The following NME1 variants were observed in gnomAD, a reference collection of about 807,000 sequenced individuals.
NME1 encodes the protein nucleoside diphosphate kinase A.
In NME1, 9 loss-of-function variants were observed where a neutral mutation model predicts 17.2. That is an observed-to-expected ratio of 0.52 (90% CI 0.32 to 0.92). NME1 has a LOEUF of 0.92. NME1 is among the 40% of genes least tolerant of loss of function. NME1 has a pLI of 0.04. For missense variants in NME1, 169 were observed against 201.7 expected (o/e 0.84, Z 0.98); for synonymous variants, 72 against 70.8 (o/e 1.02, Z -0.09).
intron 3 of NME1, chr17:51,160,525 G>A (rs1227586315): frequency 2.9e-6 from 1 of 348,016 alleles, no homozygotes; most frequent in Non-Finnish European, 5.6e-6. Context: ...CAGAGGCATG[G>A]GCAGGGGCCT....
At chr17:51,155,321 G>A (rs908735220) in intron 1 of NME1, among the ~76,000 whole-genome samples, 11 of 151,938 alleles carry the variant, frequency 7.2e-5, no homozygotes, top group Admixed American at 7.2e-4. Context: ...GGCTGAGGTG[G>A]GCAGATCACT....
Position 51,162,095 on chromosome 17 carries a change from T to C in NME1, c.*250T>C, listed in dbSNP as rs1810633911. 4.4e-6 allele frequency: 2 copies of C among 456,488 alleles called. No individual in the cohort carries two copies. The highest frequency in any genetic ancestry group is 3.5e-5 in the Admixed American group (1 of 28,948). The allele number at this position is 456,488 out of a possible 1,614,324, so 28.3% of individuals were successfully genotyped here. A position where few individuals can be genotyped will look rare whatever the true frequency, so the allele number is the denominator to read the frequency against. Reference sequence around the variant, plus strand: ...CATTGCTTTTTTTTCCTTCTTTTCATGTACACTGAATAACCTGACCTAATA... The same window carrying C: ...CATTGCTTTTTTTTCCTTCTTTTCACGTACACTGAATAACCTGACCTAATA... On this transcript the variant is annotated 3_prime_UTR_variant, in exon 5 of 5. Transcript: ENST00000393196.
chr17:51,158,456 A>G (rs1178068954), intron 2 of NME1, among the ~76,000 whole-genome samples: 1 of 152,172 alleles, frequency 6.6e-6, no homozygotes, highest in Non-Finnish European at 1.5e-5. Context: ...CAACAAAACC[A>G]ACAAAAAGAT....
chr17:51,159,903 G>A, intron 2 of NME1, 77 bp from the exon 3 acceptor site: 1 of 1,544,664 alleles, frequency 6.5e-7, no homozygotes, highest in South Asian at 1.1e-5. Flanking sequence ...ATAGCAGGGT[G>A]GATGAGGGGA....
chr17:51,159,705 A>ATT lies in NME1; in HGVS notation c.127-267_127-266dup, dbSNP rs76115891. On this transcript the variant is annotated intron_variant, in intron 2 of 4. Coordinates refer to ENST00000393196, the MANE Select transcript of NME1 (RefSeq NM_000269.3). Reference sequence around the variant, plus strand: ...AGGATCACTTGAGCCCAGGAGTTTGATTTTTTTTTAAATGAGATAGCTGGA... The same window carrying ATT: ...AGGATCACTTGAGCCCAGGAGTTTGATTTTTTTTTTTAAATGAGATAGCTGGA... 1.0e-3 allele frequency among the ~76,000 whole-genome samples: 154 copies of ATT among 151,664 alleles called. 1 individual carries two copies. The highest frequency in any genetic ancestry group is 3.4e-3 in the Middle Eastern group (1 of 294).
At position 51,161,863 on chromosome 17, in the gene NME1, T is replaced by A. The variant is rs555335928; in HGVS notation, c.*18T>A. The A allele has an allele frequency of 3.3e-6, 5 of 1,514,102 alleles. No individual in the cohort carries two copies. In the South Asian group the frequency reaches 5.6e-5, roughly 17 times the overall value. 93.8% of individuals were successfully genotyped at this position (1,514,102 alleles called of 1,614,324 possible). A position where few individuals can be genotyped will look rare whatever the true frequency, so the allele number is the denominator to read the frequency against. ...ATGAATGACAGGAGGGCAGACCACATTGCTTTTCACATCCATTTCCCCTCC... is the reference window on the plus strand; with the variant it reads ...ATGAATGACAGGAGGGCAGACCACAATGCTTTTCACATCCATTTCCCCTCC... On this transcript the variant is annotated 3_prime_UTR_variant, in exon 5 of 5. Transcript: ENST00000393196.
chr17:51,156,073 G>T, intron 2 of NME1: 1 of 370,250 alleles, frequency 2.7e-6, no homozygotes, highest in South Asian at 2.2e-5. Flanking sequence ...TGAGAGCTGA[G>T]CATGTTTGAG....
chr17:51,159,696 A>G (rs1598239218), intron 2 of NME1, among the ~76,000 whole-genome samples: 1 of 134,218 alleles, frequency 7.5e-6, no homozygotes, highest in Non-Finnish European at 1.7e-5. Flanking sequence ...ACTTGAGCCC[A>G]GGAGTTTGAT....
At chr17:51,159,395 G>A (rs1349800470) in intron 2 of NME1, among the ~76,000 whole-genome samples, 3 of 152,212 alleles carry the variant, frequency 2.0e-5, no homozygotes, top group African/African-American at 4.8e-5. Flanking sequence ...GCGGTCACCT[G>A]AGACCAGCCT....
chr17:51,161,730 A>C lies in NME1; in HGVS notation c.344A>C (p.Asn115Thr). ...RGDFCIQVGRNIIHGSDSVES... is the reference protein window; with the variant it reads ...RGDFCIQVGRTIIHGSDSVES... ...TGACTATCTCTTTCTCCACCCAGGAACATTATACATGGCAGTGATTCTGTG... is the reference window on the plus strand; with the variant it reads ...TGACTATCTCTTTCTCCACCCAGGACCATTATACATGGCAGTGATTCTGTG... Residue 115 changes from asparagine (N) to threonine (T), a missense_variant and splice_region_variant, in exon 5 of 5, where the codon AAC becomes ACC. Asn to Thr is a moderately conservative substitution (Grantham distance 65). Coordinates refer to ENST00000393196, the MANE Select transcript of NME1 (RefSeq NM_000269.3). The C allele has an allele frequency of 6.2e-7, 1 of 1,611,832 alleles. No individual in the cohort carries two copies. The highest frequency in any genetic ancestry group is 8.5e-7 in the Non-Finnish European group (1 of 1,177,852).
At position 51,160,064 on chromosome 17, in the gene NME1, G is replaced by A. The variant is rs1010216111; in HGVS notation, c.211G>A (p.Gly71Arg). 2.5e-6 allele frequency: 4 copies of A among 1,614,156 alleles called. No homozygotes were observed. The highest frequency in any genetic ancestry group is 3.4e-6 in the Non-Finnish European group (4 of 1,180,026). Residue 71 changes from glycine (G) to arginine (R), a missense_variant, in exon 3 of 5, where the codon GGG becomes AGG. By Grantham distance (125) the Gly-to-Arg change is moderately radical. Coordinates refer to ENST00000393196, the MANE Select transcript of NME1 (RefSeq NM_000269.3). ...CGGCCTGGTGAAATACATGCACTCA[G>A]GGCCGGTAGTTGCCATGGTGAGTGT... ...FAGLVKYMHSGPVVAMVWEGL... is the reference protein window; with the variant it reads ...FAGLVKYMHSRPVVAMVWEGL...
chr17:51,155,591 G>A (rs529912143), intron 1 of NME1, 60 bp from the exon 2 acceptor site: 172 of 1,606,266 alleles, frequency 1.1e-4, no homozygotes, highest in Non-Finnish European at 1.4e-4. Context: ...CGCTTGAGAC[G>A]GATGACGCTG....
chr17:51,161,904 G>C lies in NME1; in HGVS notation c.*59G>C. Reference sequence around the variant, plus strand: ...TTTCCCCTCCTTCCCATGGGCAGAGGACCAGGCTGTAGGAAATCTAGTTAT... The same window carrying C: ...TTTCCCCTCCTTCCCATGGGCAGAGCACCAGGCTGTAGGAAATCTAGTTAT... On this transcript the variant is annotated 3_prime_UTR_variant, in exon 5 of 5. Coordinates refer to ENST00000393196, the MANE Select transcript of NME1 (RefSeq NM_000269.3). 2 of 1,094,704 alleles carry C rather than the reference G, an allele frequency of 1.8e-6. No individual in the cohort carries two copies. Among genetic ancestry groups the C allele is most frequent in the Non-Finnish European group, 1.4e-6 (1 of 709,062 alleles). 67.8% of individuals were successfully genotyped at this position (1,094,704 alleles called of 1,614,324 possible). A position where few individuals can be genotyped will look rare whatever the true frequency, so the allele number is the denominator to read the frequency against.
At chr17:51,160,820 C>T (rs886980835) in intron 3 of NME1, among the ~76,000 whole-genome samples, 3 of 152,076 alleles carry the variant, frequency 2.0e-5, no homozygotes, top group African/African-American at 7.2e-5. Flanking sequence ...CCATGTTAGC[C>T]AGGATGGTCT....
At chr17:51,154,429 C>G (rs2049754514) in intron 1 of NME1, 6 of 1,613,946 alleles carry the variant, frequency 3.7e-6, no homozygotes, top group Non-Finnish European at 5.1e-6. Flanking sequence ...CCTCCTATCT[C>G]AAGCTGTGAT....
rs2049870330 is a variant in NME1, at chr17:51,161,937, A to G, written c.*92A>G. The G allele has an allele frequency of 1.2e-6, 1 of 856,356 alleles. No homozygotes were observed. Among genetic ancestry groups the G allele is most frequent in the African/African-American group, 1.7e-5 (1 of 60,440 alleles). 53.0% of individuals were successfully genotyped at this position (856,356 alleles called of 1,614,324 possible). A position where few individuals can be genotyped will look rare whatever the true frequency, so the allele number is the denominator to read the frequency against. ...TGTAGGAAATCTAGTTATTTACAGG[A>G]ACTTCATCATAATTTGGAGGGAAGC... On this transcript the variant is annotated 3_prime_UTR_variant, in exon 5 of 5. Transcript: ENST00000393196.
chr17:51,155,062 A>G (rs772332372), intron 1 of NME1, among the ~76,000 whole-genome samples: 1 of 151,696 alleles, frequency 6.6e-6, no homozygotes, highest in African/African-American at 2.4e-5. Flanking sequence ...CAACATGGTG[A>G]AACCCCATCT....
intron 2 of NME1, among the ~76,000 whole-genome samples, chr17:51,157,553 A>T (rs2049804944): frequency 6.6e-6 from 1 of 152,204 alleles, no homozygotes; most frequent in South Asian, 2.1e-4. Context: ...TTTGGGGGAC[A>T]CATTCAGATC....
In NME1 at chr17:51,161,210, G is replaced by A. The variant is rs866623183; in HGVS notation, c.279G>A (p.Glu93=). The A allele has an allele frequency of 6.2e-7, 1 of 1,613,148 alleles. No homozygotes were observed. Among genetic ancestry groups the A allele is most frequent in the Non-Finnish European group, 8.5e-7 (1 of 1,179,674 alleles). ...VVKTGRVMLG[E]TNPADSKPGT... ...AGACGGGCCGAGTCATGCTCGGGGA[G>A]ACCAACCCTGCAGACTCCAAGCCTG... Residue 93 remains glutamate (E), a synonymous_variant, in exon 4 of 5, where the codon GAG becomes GAA. Coordinates refer to ENST00000393196, the MANE Select transcript of NME1 (RefSeq NM_000269.3).
Sources: gnomAD v4.1 joint callset for allele counts (sites outside exome capture counted in the v4.1 genomes callset) on GRCh38, gnomAD v4.1.1 for gene constraint, MANE v1.5 for transcripts, NCBI Gene and HGNC (gene_info 2026-07-23, HGNC 2026-07-21) for gene names.